Variants in MAP3K13 observed in about 807,000 individuals in gnomAD.
MAP3K13 encodes mitogen-activated protein kinase kinase kinase 13.
A neutral mutation model predicts 104.0 loss-of-function variants in MAP3K13; 52 were observed. That is an observed-to-expected ratio of 0.50 (90% CI 0.40 to 0.63). The LOEUF is 0.63. MAP3K13 is among the 20% of genes least tolerant of loss of function. The pLI, the probability that MAP3K13 is intolerant of heterozygous loss-of-function variation, is 0.00. For missense variants in MAP3K13, 914 were observed against 1,218.5 expected, an observed-to-expected ratio of 0.75 and a Z score of 3.72; for synonymous variants, 394 against 442.2, an observed-to-expected ratio of 0.89 and a Z score of 1.37.
At chr3:185,327,929 A>G (rs11927144) in intron 2 of MAP3K13, among the ~76,000 whole-genome samples, 26,173 of 145,572 alleles carry the variant, frequency 0.18, 2,399 homozygotes, top group South Asian at 0.2. Context: ...AAAGAAAAGA[A>G]AGGAAGGAAG....
chr3:185,429,554 G>A (rs1236176373), intron 2 of MAP3K13, among the ~76,000 whole-genome samples: 3 of 152,134 alleles, frequency 2.0e-5, no homozygotes, highest in Non-Finnish European at 2.9e-5. Context: ...GGAGTTTGAG[G>A]CTACAGTGAG....
At chr3:185,447,172 C>A (rs1335540598) in intron 4 of MAP3K13, among the ~76,000 whole-genome samples, 1 of 152,034 alleles carries the variant, frequency 6.6e-6, no homozygotes, top group Non-Finnish European at 1.5e-5. Context: ...AGTCTCCATC[C>A]TACACATGAG....
chr3:185,455,710 A>G (rs1302331715), intron 7 of MAP3K13, among the ~76,000 whole-genome samples: 1 of 16,266 alleles, frequency 6.1e-5, no homozygotes, highest in African/African-American at 1.2e-4. Context: ...TATGAGATAT[A>G]TATGAGATAT....
chr3:185,374,792 G>C (rs1724347052), intron 1 of MAP3K13, among the ~76,000 whole-genome samples: 1 of 151,942 alleles, frequency 6.6e-6, no homozygotes, highest in African/African-American at 2.4e-5. Context: ...TCAATACCTT[G>C]GTGATTTTGG....
chr3:185,424,131 G>C (rs1169764055), intron 1 of MAP3K13, among the ~76,000 whole-genome samples: 1 of 152,184 alleles, frequency 6.6e-6, no homozygotes, highest in Non-Finnish European at 1.5e-5. Flanking sequence ...CCTGGTACAG[G>C]AGAGAATGTC....
chr3:185,402,960 G>GT (rs1338286458), intron 1 of MAP3K13, among the ~76,000 whole-genome samples: 1 of 152,050 alleles, frequency 6.6e-6, no homozygotes, highest in Non-Finnish European at 1.5e-5. Context: ...ACGTCCTGAG[G>GT]TACTAGATAT....
intron 2 of MAP3K13, among the ~76,000 whole-genome samples, chr3:185,349,194 T>C (rs1307646824): frequency 6.6e-6 from 1 of 151,990 alleles, no homozygotes; most frequent in Non-Finnish European, 1.5e-5. Flanking sequence ...TATTGTGTCA[T>C]GGTGGGGTTT....
intron 7 of MAP3K13, among the ~76,000 whole-genome samples, chr3:185,454,556 C>CATATATATGATATATATGAT (rs1716195271): frequency 3.7e-5 from 2 of 53,836 alleles, no homozygotes; most frequent in South Asian, 6.3e-4. Flanking sequence ...GATATATACA[C>CATATATATGATATATATGAT]ATATATATGA....
At position 185,428,925 on chromosome 3, in the gene MAP3K13, A is replaced by T. The variant is rs554556664; in HGVS notation, c.344A>T (p.Asp115Val). 33 of 1,614,186 alleles carry T rather than the reference A, an allele frequency of 2.0e-5. No individual in the cohort carries two copies. In the South Asian group the frequency reaches 3.4e-4, roughly 17 times the overall value. ...VDGESTSGTE[D>V]IKIQFSRSGS... The stretch of plus-strand genomic sequence containing the variant: ...GGAGAGAGCACAAGCGGAACTGAAG[A>T]CATAAAGATTCAGTTCAGCAGGTCA... The change falls in exon 2 of 14, where the codon GAC becomes GTC. Residue 115 changes from aspartate to valine, a missense_variant. Around this residue, in one of 3 missense-constraint regions of MAP3K13, gnomAD observed 156 missense variants for 159.8 expected, o/e 0.98. Coordinates refer to ENST00000265026, the MANE Select transcript of MAP3K13 (RefSeq NM_004721.5).
intron 2 of MAP3K13, among the ~76,000 whole-genome samples, chr3:185,302,606 G>A (rs1721147219): frequency 6.6e-6 from 1 of 151,788 alleles, no homozygotes; most frequent in Non-Finnish European, 1.5e-5. Flanking sequence ...TTATAAATGG[G>A]TTTGTTTTCT....
chr3:185,454,562 TATG>T (rs1180862316), intron 7 of MAP3K13, among the ~76,000 whole-genome samples: 1 of 117,838 alleles, frequency 8.5e-6, no homozygotes, highest in Non-Finnish European at 1.6e-5. Context: ...TACACATATA[TATG>T]ATATATATGA....
rs1437794334 is a variant in MAP3K13 at position 185,315,307 on chromosome 3, T to C, written c.-86+29664T>C. ...ACATAGAACAATGGTCCTCAAACTT[T>C]AGTATGCATCAGAACCACCCTAGAG... On this transcript the variant is annotated intron_variant, in intron 2 of 14. Transcript: ENST00000424227. This position sits in a 1 kb window ranked among gnomAD's most constrained non-coding sequence, Gnocchi z 4.3. Among the ~76,000 whole-genome samples, 1 of 152,122 alleles carries C rather than the reference T, an allele frequency of 6.6e-6. No individual in the cohort carries two copies. The highest frequency in any genetic ancestry group is 1.5e-5 in the Non-Finnish European group (1 of 68,004).
chr3:185,308,570 G>A (rs764581264), intron 2 of MAP3K13, among the ~76,000 whole-genome samples: 8 of 152,042 alleles, frequency 5.3e-5, no homozygotes, highest in Admixed American at 6.5e-5. Flanking sequence ...GTCTTCTGTC[G>A]GCTGTGCTGC....
At chr3:185,361,621 G>A (rs911734293), upstream of MAP3K13, among the ~76,000 whole-genome samples, 1 of 152,114 alleles carries the variant, frequency 6.6e-6, no homozygotes, top group African/African-American at 2.4e-5. Context: ...AGCCAGGATG[G>A]TCTCGATCCC....
rs1413589374 is a variant in MAP3K13, at chr3:185,455,606, C to G, written c.1278+4211C>G. 5.4e-4 allele frequency among the ~76,000 whole-genome samples: 12 copies of G among 22,092 alleles called. 3 individuals are homozygous for G. The highest frequency in any genetic ancestry group is 1.5e-3 in the African/African-American group (10 of 6,512). 14.5% of individuals were successfully genotyped at this position (22,092 alleles called of 152,430 possible). A position where few individuals can be genotyped will look rare whatever the true frequency, so the allele number is the denominator to read the frequency against. ...TATGATATATATGAGATATATATATCATATATATGAGATATATGATATATA... is the reference window on the plus strand; with the variant it reads ...TATGATATATATGAGATATATATATGATATATATGAGATATATGATATATA... On this transcript the variant is annotated intron_variant, in intron 7 of 13. Transcript: ENST00000265026.
intron 3 of MAP3K13, among the ~76,000 whole-genome samples, chr3:185,442,160 A>G (rs1184092091): frequency 2.6e-5 from 4 of 151,394 alleles, no homozygotes; most frequent in Non-Finnish European, 5.9e-5. Flanking sequence ...ACTGCACTCC[A>G]ACCTGGATGA....
At position 185,378,515 on chromosome 3, in the gene MAP3K13, C is replaced by T. The variant is rs571224201; in HGVS notation, c.-86+15147C>T. ...CACGGAATGAAACTGTAAGCCAGAC[C>T]GGTGTGAGGAGGGGAGGTGATAGAA... On this transcript the variant is annotated intron_variant, in intron 1 of 13. Coordinates refer to ENST00000265026, the MANE Select transcript of MAP3K13 (RefSeq NM_004721.5). 3.3e-5 allele frequency among the ~76,000 whole-genome samples: 5 copies of T among 152,036 alleles called. No homozygotes were observed. The South Asian group carries it at 8.3e-4, about 25-fold the overall frequency.
chr3:185,302,770 C>G (rs889735939), intron 2 of MAP3K13, among the ~76,000 whole-genome samples: 5 of 152,136 alleles, frequency 3.3e-5, no homozygotes, highest in African/African-American at 1.2e-4. Context: ...TATAATCAAG[C>G]CATCTGTGAA....
chr3:185,440,981 G>T (rs1044733664), intron 3 of MAP3K13, among the ~76,000 whole-genome samples: 1 of 152,212 alleles, frequency 6.6e-6, no homozygotes, highest in Non-Finnish European at 1.5e-5. Context: ...AGATAATGGT[G>T]TTAACACAAG....
Sources: gnomAD v4.1 joint callset for allele counts (sites outside exome capture counted in the v4.1 genomes callset) on GRCh38, gnomAD v4.1.1 for gene constraint, gnomAD v4.1.1 regional missense constraint, Gnocchi (gnomAD v3.1) non-coding constraint, MANE v1.5 for transcripts, NCBI Gene and HGNC (gene_info 2026-07-23, HGNC 2026-07-21) for gene names.